The following TASP1 variants were observed in gnomAD, a reference collection of about 807,000 sequenced individuals.
TASP1 encodes the protein threonine aspartase 1.
A neutral mutation model predicts 56.6 loss-of-function variants in TASP1; 16 were observed. The ratio of observed to expected loss-of-function variants is 0.28; its 90% confidence interval spans 0.19 to 0.43. The LOEUF is 0.43. Ranked by LOEUF, TASP1 falls within the 20% of genes least tolerant of loss-of-function variation. The probability of loss-of-function intolerance (pLI) is 1.00; values close to 1 mark genes in which losing one functional copy is unlikely to be tolerated. For missense variants in TASP1, 393 were observed against 511.6 expected (o/e 0.77, Z 2.24); for synonymous variants, 179 against 184.2 (o/e 0.97, Z 0.23).
chr20:13,210,088 G>T, the TASP1 span, among the ~76,000 whole-genome samples: 5 of 152,138 alleles, frequency 3.3e-5, no homozygotes, highest in Non-Finnish European at 5.9e-5. Context: ...TAAATGGAAT[G>T]ATACAGAATG....
the TASP1 span, among the ~76,000 whole-genome samples, chr20:13,301,935 T>G: frequency 6.6e-6 from 1 of 152,270 alleles, no homozygotes; most frequent in East Asian, 1.9e-4. Flanking sequence ...TTGGTTCTAA[T>G]GAAGGAGTGG....
chr20:13,622,226 C>T (rs1319302424), intron 4 of TASP1, among the ~76,000 whole-genome samples: 1 of 152,166 alleles, frequency 6.6e-6, no homozygotes, highest in African/African-American at 2.4e-5. Flanking sequence ...AGTTTATCTT[C>T]ACAACTCCAT....
At chr20:13,616,116 C>T (rs952251210) in intron 4 of TASP1, among the ~76,000 whole-genome samples, 2 of 152,032 alleles carry the variant, frequency 1.3e-5, no homozygotes, top group African/African-American at 4.8e-5. Context: ...AATCACAACA[C>T]TATAAATCCT....
the TASP1 span, among the ~76,000 whole-genome samples, chr20:13,107,431 A>G: frequency 6.6e-6 from 1 of 152,246 alleles, no homozygotes; most frequent in African/African-American, 2.4e-5. Context: ...CAGAGGGAAG[A>G]AGCTTAAAAG....
the TASP1 span, among the ~76,000 whole-genome samples, chr20:13,275,313 G>A: frequency 6.6e-6 from 1 of 152,172 alleles, no homozygotes; most frequent in East Asian, 1.9e-4. Context: ...CAGGGTTACA[G>A]TTGTACGTGC....
chr20:13,569,886 A>G (rs1376636838), intron 6 of TASP1, among the ~76,000 whole-genome samples: 1 of 152,134 alleles, frequency 6.6e-6, no homozygotes, highest in African/African-American at 2.4e-5. Context: ...AAACATTAAG[A>G]TTTATCTTGG....
At chr20:13,449,908 T>C (rs2043552607) in intron 11 of TASP1, among the ~76,000 whole-genome samples, 1 of 152,100 alleles carries the variant, frequency 6.6e-6, no homozygotes. Context: ...TTGTACAACA[T>C]ATCAGTGCAA....
the TASP1 span, among the ~76,000 whole-genome samples, chr20:13,138,354 C>T: frequency 6.6e-6 from 1 of 152,136 alleles, no homozygotes; most frequent in African/African-American, 2.4e-5. Flanking sequence ...CAATACACTA[C>T]CCCCATTCAT....
At chr20:13,307,598 C>G in the TASP1 span, among the ~76,000 whole-genome samples, 1 of 152,192 alleles carries the variant, frequency 6.6e-6, no homozygotes, top group Non-Finnish European at 1.5e-5. Context: ...GTAACGGGCA[C>G]TCACTCCTCA....
chr20:13,561,974 G>A (rs370523202), intron 7 of TASP1, among the ~76,000 whole-genome samples: 6 of 152,062 alleles, frequency 3.9e-5, no homozygotes, highest in East Asian at 1.9e-4. Context: ...CACTATATTC[G>A]ACAACAGAAT....
the TASP1 span, among the ~76,000 whole-genome samples, chr20:13,292,722 GTC>G: frequency 3.9e-5 from 6 of 152,122 alleles, no homozygotes; most frequent in African/African-American, 7.2e-5. Flanking sequence ...ATGGGGACCT[GTC>G]TCTCAGCACA....
At position 13,469,792 on chromosome 20, in the gene TASP1, C is replaced by CTTTTTTTTTTTTTTTT. The variant is rs546419566; in HGVS notation, c.985+13419_985+13434dup. 9.6e-4 allele frequency among the ~76,000 whole-genome samples: 38 copies of CTTTTTTTTTTTTTTTT among 39,548 alleles called. 9 individuals carry two copies. The highest frequency in any genetic ancestry group is 1.1e-3 in the African/African-American group (13 of 11,436). The allele number at this position is 39,548 out of a possible 152,430, so 25.9% of individuals were successfully genotyped here. A position where few individuals can be genotyped will look rare whatever the true frequency, so the allele number is the denominator to read the frequency against. ...ACAGTTGTCCAGGTCAATAAATGTC[C>CTTTTTTTTTTTTTTTT]TTTTTTTTTTTTTTTTTTTTTTTTT... On this transcript the variant is annotated intron_variant, in intron 11 of 13. Coordinates refer to ENST00000337743, the MANE Select transcript of TASP1 (RefSeq NM_017714.3).
the TASP1 span, among the ~76,000 whole-genome samples, chr20:13,352,471 T>G: frequency 6.6e-6 from 1 of 151,376 alleles, no homozygotes; most frequent in Non-Finnish European, 1.5e-5. Flanking sequence ...AAAAATGCAT[T>G]AACTTTTAGA....
At chr20:13,525,715 T>A (rs1366008054) in intron 10 of TASP1, among the ~76,000 whole-genome samples, 1 of 152,180 alleles carries the variant, frequency 6.6e-6, no homozygotes, top group Non-Finnish European at 1.5e-5. Context: ...TCTTCTGACT[T>A]GATCACCCAA....
chr20:13,406,668 C>CTT lies in TASP1; in HGVS notation c.1170+10778_1170+10779dup, dbSNP rs149352395. 5.9e-4 allele frequency among the ~76,000 whole-genome samples: 69 copies of CTT among 117,690 alleles called. 1 individual carries two copies. Among genetic ancestry groups the CTT allele is most frequent in the African/African-American group, 2.0e-3 (64 of 32,782 alleles). 77.2% of individuals were successfully genotyped at this position (117,690 alleles called of 152,430 possible). A position where few individuals can be genotyped will look rare whatever the true frequency, so the allele number is the denominator to read the frequency against. On this transcript the variant is annotated intron_variant, in intron 13 of 13. Coordinates refer to ENST00000337743, the MANE Select transcript of TASP1 (RefSeq NM_017714.3). Reference sequence around the variant, plus strand: ...ATATCTCATATTTTGAGGGTTTTTTCTTTTTTTTTTTTTTTTTTGAGACAG... The same window carrying CTT: ...ATATCTCATATTTTGAGGGTTTTTTCTTTTTTTTTTTTTTTTTTTTGAGACAG...
intron 10 of TASP1, among the ~76,000 whole-genome samples, chr20:13,517,381 A>T (rs1445649421): frequency 6.6e-6 from 1 of 152,140 alleles, no homozygotes; most frequent in African/African-American, 2.4e-5. Context: ...GCATGGAAAG[A>T]TATCCTTCAT....
the TASP1 span, among the ~76,000 whole-genome samples, chr20:13,277,222 C>T: frequency 4.6e-5 from 7 of 152,094 alleles, no homozygotes; most frequent in South Asian, 2.1e-4. Context: ...TTGCAGGGCA[C>T]GTTTTGTTTA....
chr20:13,497,016 C>G (rs549404416), intron 10 of TASP1, among the ~76,000 whole-genome samples: 1 of 152,176 alleles, frequency 6.6e-6, no homozygotes, highest in Non-Finnish European at 1.5e-5. Flanking sequence ...CAAATGACTA[C>G]ATGTGAGCTA....
chr20:13,238,321 G>A, the TASP1 span, among the ~76,000 whole-genome samples: 29 of 152,078 alleles, frequency 1.9e-4, no homozygotes, highest in Admixed American at 6.6e-5. Context: ...TTCTTGAGAA[G>A]GTCATTAATG....
Sources: gnomAD v4.1 joint callset for allele counts (sites outside exome capture counted in the v4.1 genomes callset) on GRCh38, gnomAD v4.1.1 for gene constraint, MANE v1.5 for transcripts, NCBI Gene and HGNC (gene_info 2026-07-23, HGNC 2026-07-21) for gene names.